Variants in FERMT2 observed in about 807,000 individuals in gnomAD.
The protein encoded by FERMT2 is fermitin family homolog 2.
FERMT2 carries 15 observed loss-of-function variants against 82.7 expected under a neutral mutation model. The ratio of observed to expected loss-of-function variants is 0.18; its 90% CI spans 0.12 to 0.28. The LOEUF is 0.28. FERMT2 is among the 10% of genes least tolerant of loss of function. The probability of loss-of-function intolerance (pLI) is 1.00; values close to 1 mark genes in which losing one functional copy is unlikely to be tolerated. For synonymous variants in FERMT2, 274 were observed against 271.5 expected (o/e 1.01, Z -0.09); for missense variants, 645 against 809.4 (o/e 0.80, Z 2.46).
chr14:52,922,603 G>T (rs189233383), intron 2 of FERMT2, among the ~76,000 whole-genome samples: 1 of 152,176 alleles, frequency 6.6e-6, no homozygotes, highest in African/African-American at 2.4e-5. Context: ...AGACACTAAC[G>T]TGATAAGGAG....
At chr14:52,912,062 C>T (rs1888346190) in intron 3 of FERMT2, among the ~76,000 whole-genome samples, 1 of 151,546 alleles carries the variant, frequency 6.6e-6, no homozygotes, top group Non-Finnish European at 1.5e-5. Flanking sequence ...ATCAGATACC[C>T]CCCTTCCCTG....
intron 3 of FERMT2, among the ~76,000 whole-genome samples, chr14:52,901,896 C>T (rs1887676122): frequency 6.6e-6 from 1 of 152,146 alleles, no homozygotes; most frequent in Non-Finnish European, 1.5e-5. Flanking sequence ...TTGTTTCAGG[C>T]TGCTAAATTT....
At chr14:52,892,172 T>TTTTGTTTTG (rs1566733616) in intron 4 of FERMT2, among the ~76,000 whole-genome samples, 2 of 14,328 alleles carry the variant, frequency 1.4e-4, no homozygotes, top group African/African-American at 1.6e-4. Context: ...TTTTGTTTTT[T>TTTTGTTTTG]TTTTTTTTTT....
chr14:52,901,851 C>A (rs1887673211), intron 3 of FERMT2, among the ~76,000 whole-genome samples: 1 of 152,220 alleles, frequency 6.6e-6, no homozygotes, highest in African/African-American at 2.4e-5. Flanking sequence ...CGTGTACACA[C>A]CTTTAACCTA....
chr14:52,883,196 G>T (rs966299768), intron 4 of FERMT2, among the ~76,000 whole-genome samples: 1 of 152,072 alleles, frequency 6.6e-6, no homozygotes, highest in Non-Finnish European at 1.5e-5. Context: ...TCTAAAATCC[G>T]AACACTGTTA....
chr14:52,867,819 A>G (rs1450772502), intron 10 of FERMT2, among the ~76,000 whole-genome samples: 5 of 152,058 alleles, frequency 3.3e-5, no homozygotes, highest in Non-Finnish European at 7.4e-5. Context: ...TATCCACCCA[A>G]TTGCACAAAT....
Position 52,861,271 on chromosome 14 carries a change from T to C in FERMT2, c.1603-806A>G, listed in dbSNP as rs146454698. On this transcript the variant is annotated intron_variant, in intron 12 of 14. Transcript: ENST00000341590. Reference sequence around the variant, plus strand: ...TTAGAACACTGAGAAACACTCCACATTATTTTAGAATGTTAAATGTTGCTA... The same window carrying C: ...TTAGAACACTGAGAAACACTCCACACTATTTTAGAATGTTAAATGTTGCTA... 617 of 499,436 alleles carry C rather than the reference T, an allele frequency of 1.2e-3. 2 individuals carry two copies. The highest frequency in any genetic ancestry group is 0.012 in the African/African-American group (579 of 49,628). The allele number at this position is 499,436 out of a possible 1,614,324, so 30.9% of individuals were successfully genotyped here. A position where few individuals can be genotyped will look rare whatever the true frequency, so the allele number is the denominator to read the frequency against.
chr14:52,907,752 A>G (rs1888099514), intron 3 of FERMT2, among the ~76,000 whole-genome samples: 1 of 152,026 alleles, frequency 6.6e-6, no homozygotes, highest in South Asian at 2.1e-4. Flanking sequence ...GGAGATGAAT[A>G]TAATCAAAAC....
chr14:52,905,148 C>G (rs1044788586), intron 3 of FERMT2, among the ~76,000 whole-genome samples: 3 of 145,586 alleles, frequency 2.1e-5, no homozygotes, highest in Admixed American at 7.0e-5. Flanking sequence ...AAGATTGCGC[C>G]ACTGCACTCC....
Position 52,878,636 on chromosome 14 carries a change from G to A in FERMT2, c.909C>T (p.Leu303=), listed in dbSNP as rs761496948. 1.2e-6 allele frequency: 2 copies of A among 1,610,204 alleles called. No individual in the cohort carries two copies. Among genetic ancestry groups the A allele is most frequent in the Non-Finnish European group, 1.7e-6 (2 of 1,178,254 alleles). ...CTTCTGTGCATTCAATCTCTTCCAGGAGAATGGCCCATTTGGCCTGCTCGT... is the reference window on the plus strand; with the variant it reads ...CTTCTGTGCATTCAATCTCTTCCAGAAGAATGGCCCATTTGGCCTGCTCGT... The part of the protein sequence containing the change: ...QLYEQAKWAI[L]LEEIECTEEE... The change falls in exon 7 of 15, where the codon CTC becomes CTT. Residue 303 remains leucine, a synonymous_variant. Coordinates refer to ENST00000341590, the MANE Select transcript of FERMT2 (RefSeq NM_006832.3).
At chr14:52,878,944 T>C (rs1369779102) in intron 6 of FERMT2, among the ~76,000 whole-genome samples, 1 of 152,192 alleles carries the variant, frequency 6.6e-6, no homozygotes, top group East Asian at 1.9e-4. Context: ...GATTGTACAG[T>C]ATTAAAAAGT....
chr14:52,921,588 A>T (rs1382420059), intron 2 of FERMT2, among the ~76,000 whole-genome samples: 4 of 152,234 alleles, frequency 2.6e-5, no homozygotes, highest in African/African-American at 9.6e-5. Flanking sequence ...TTTTCTTTCC[A>T]GGAACAGAAA....
intron 7 of FERMT2, among the ~76,000 whole-genome samples, chr14:52,877,153 T>C (rs1005840310): frequency 3.5e-4 from 54 of 152,324 alleles, no homozygotes; most frequent in African/African-American, 1.2e-3. Flanking sequence ...AGGCATATAA[T>C]AGGCATCTGT....
In FERMT2 at chr14:52,858,601, G is replaced by C. The variant is rs1026883602; in HGVS notation, c.1870-51C>G. ...TGCTGTCCCAAATGCTAGGTGGCTGGGTCCACACAAAACTACTGTGCTACT... is the reference window on the plus strand; with the variant it reads ...TGCTGTCCCAAATGCTAGGTGGCTGCGTCCACACAAAACTACTGTGCTACT... On this transcript the variant is annotated intron_variant, in intron 14 of 14. Transcript: ENST00000341590. 10 of 1,564,654 alleles carry C rather than the reference G, an allele frequency of 6.4e-6. No homozygotes were observed. In the Admixed American group the frequency reaches 1.0e-4, roughly 16 times the overall value.
intron 10 of FERMT2, 23 bp downstream of exon 10, chr14:52,872,776 C>T (rs1388702525): frequency 6.2e-7 from 1 of 1,612,000 alleles, no homozygotes; most frequent in South Asian, 1.1e-5. Context: ...CCATCAACAA[C>T]AGCCGTGCCA....
At chr14:52,942,405 C>T (rs1342912165) in intron 2 of FERMT2, among the ~76,000 whole-genome samples, 1 of 151,338 alleles carries the variant, frequency 6.6e-6, no homozygotes, top group East Asian at 1.9e-4. Flanking sequence ...TGGGTTCACA[C>T]CATTCTCCAG....
At position 52,907,093 on chromosome 14, in the gene FERMT2, A is replaced by G. The variant is rs116273081; in HGVS notation, c.391+12030T>C. On this transcript the variant is annotated intron_variant, in intron 3 of 14. Transcript: ENST00000341590. ...AGTCACACAATCTCAACTCACTACA[A>G]CCTTTGCTTCCCAGGCTCAAGCGAT... 3.1e-3 allele frequency among the ~76,000 whole-genome samples: 470 copies of G among 152,050 alleles called. 3 individuals are homozygous for G. The highest frequency in any genetic ancestry group is 0.011 in the African/African-American group (450 of 41,464).
chr14:52,865,584 G>C (rs1885224472), intron 10 of FERMT2, among the ~76,000 whole-genome samples: 1 of 152,130 alleles, frequency 6.6e-6, no homozygotes, highest in Admixed American at 6.6e-5. Context: ...GGATAAATAA[G>C]ATAATACACT....
At chr14:52,884,380 C>A (rs1158673909) in intron 4 of FERMT2, among the ~76,000 whole-genome samples, 1 of 151,674 alleles carries the variant, frequency 6.6e-6, no homozygotes, top group East Asian at 1.9e-4. Flanking sequence ...GGTGGGCAGA[C>A]TGCCTGAGGT....
Sources: gnomAD v4.1 joint callset for allele counts (sites outside exome capture counted in the v4.1 genomes callset) on GRCh38, gnomAD v4.1.1 for gene constraint, MANE v1.5 for transcripts, NCBI Gene and HGNC (gene_info 2026-07-23, HGNC 2026-07-21) for gene names.